Variants in AK7 observed in about 807,000 individuals in gnomAD.
AK7 encodes the protein ATP-AMP transphosphorylase 7.
Under a neutral mutation model 96.6 loss-of-function variants are expected in AK7, and 78 were observed. That is an observed-to-expected ratio of 0.81 (90% CI 0.67 to 0.97). AK7 has a LOEUF of 0.97. Ranked by LOEUF, AK7 falls within the 50% of genes least tolerant of loss-of-function variation. The probability of loss-of-function intolerance (pLI) is 0.00; values close to 1 mark genes in which losing one functional copy is unlikely to be tolerated. For synonymous variants in AK7, 302 were observed against 317.2 expected (o/e 0.95, Z 0.51); for missense variants, 855 against 887.9 (o/e 0.96, Z 0.47).
chr14:96,488,907 C>T lies in AK7; in HGVS notation c.*564C>T, dbSNP rs965567416. 1.3e-5 allele frequency: 2 copies of T among 148,166 alleles called. No individual in the cohort carries two copies. Among genetic ancestry groups the T allele is most frequent in the Non-Finnish European group, 3.0e-5 (2 of 67,540 alleles). The allele number at this position is 148,166 out of a possible 1,614,324, so 9.2% of individuals were successfully genotyped here. A position where few individuals can be genotyped will look rare whatever the true frequency, so the allele number is the denominator to read the frequency against. On this transcript the variant is annotated 3_prime_UTR_variant, in exon 18 of 18. Coordinates refer to ENST00000267584, the MANE Select transcript of AK7 (RefSeq NM_152327.5). ...AGGGTCAGGATCCCAGACAATGAAT[C>T]GGAGAGAACTGTAAACCTTTAGGCG...
chr14:96,419,789 C>CTTTTTTTT (rs5810772), intron 4 of AK7, among the ~76,000 whole-genome samples: 1 of 134,106 alleles, frequency 7.5e-6, no homozygotes, highest in Admixed American at 7.8e-5. Context: ...TCTTTCTTTT[C>CTTTTTTTT]TTTTTTTTTT....
intron 14 of AK7, 97 bp downstream of exon 14, chr14:96,472,852 C>T (rs970038133): frequency 1.1e-5 from 10 of 946,202 alleles, no homozygotes; most frequent in Admixed American, 2.1e-5. Context: ...GAGGCCAAGG[C>T]GGGTGGATCA....
intron 5 of AK7, among the ~76,000 whole-genome samples, chr14:96,429,596 A>T (rs549105719): frequency 1.2e-3 from 180 of 152,308 alleles, no homozygotes; most frequent in Non-Finnish European, 2.0e-3. Flanking sequence ...GTCCATGAGC[A>T]TGGAATGTTC....
chr14:96,417,824 G>T (rs1035033097), intron 4 of AK7, among the ~76,000 whole-genome samples: 8 of 152,000 alleles, frequency 5.3e-5, no homozygotes, highest in African/African-American at 1.9e-4. Flanking sequence ...GAATATCACA[G>T]GTACCTCCAG....
At chr14:96,481,931 C>T (rs1895527315) in intron 15 of AK7, among the ~76,000 whole-genome samples, 1 of 151,924 alleles carries the variant, frequency 6.6e-6, no homozygotes, top group Admixed American at 6.6e-5. Flanking sequence ...TCTTGAACTC[C>T]TGACCTCAAC....
At chr14:96,441,011 A>G (rs1892927363) in intron 6 of AK7, among the ~76,000 whole-genome samples, 4 of 152,074 alleles carry the variant, frequency 2.6e-5, no homozygotes, top group South Asian at 4.1e-4. Flanking sequence ...AAAAATAAAT[A>G]AAAGGTGTGG....
chr14:96,455,939 T>C (rs1893873716), intron 10 of AK7, among the ~76,000 whole-genome samples: 1 of 151,972 alleles, frequency 6.6e-6, no homozygotes, highest in Non-Finnish European at 1.5e-5. Context: ...AGAGACTTTA[T>C]TTTCAAAAGG....
rs1381995916 is a variant in AK7, at chr14:96,399,584, T to C, written c.294+1321T>C. The stretch of plus-strand genomic sequence containing the variant: ...CCCCGCCATTCACTGGTCTATCCAA[T>C]GCTGGCTGGCCCTGCCCACAACACT... On this transcript the variant is annotated intron_variant, in intron 2 of 17. Transcript: ENST00000267584. This position sits in a 1 kb window ranked among gnomAD's most constrained non-coding sequence, Gnocchi z 4.1. Among the ~76,000 whole-genome samples the C allele has an allele frequency of 6.6e-6, 1 of 152,192 alleles. No individual in the cohort carries two copies. Among genetic ancestry groups the C allele is most frequent in the South Asian group, 2.1e-4 (1 of 4,834 alleles).
In AK7 at chr14:96,488,325, C is replaced by G; in HGVS notation, c.2154C>G (p.Asn718Lys). 10 of 1,612,156 alleles carry G rather than the reference C, an allele frequency of 6.2e-6. No homozygotes were observed. Among genetic ancestry groups the G allele is most frequent in the Non-Finnish European group, 7.6e-6 (9 of 1,178,524 alleles). Residue 718 changes from asparagine (N) to lysine (K), a missense_variant, in exon 18 of 18, where the codon AAC (asparagine) becomes AAG (lysine). Physicochemically the swap from Asn to Lys is moderately conservative, Grantham distance 94 (BLOSUM62 0). Transcript: ENST00000267584. ...TGTAGGCAGAATATCTCTTCAAGAA[C>G]AATCCTGAAGCACAGTGAAACTTGA... ...VDFLAEYLFKNNPEAQ is the reference protein window; with the variant it reads ...VDFLAEYLFKKNPEAQ
chr14:96,400,125 G>A (rs1403587864), intron 2 of AK7, among the ~76,000 whole-genome samples: 3 of 132,358 alleles, frequency 2.3e-5, no homozygotes, highest in Non-Finnish European at 4.6e-5. Context: ...TGCAACCTTC[G>A]CCTCCTGGGT....
At chr14:96,398,578 T>C in intron 2 of AK7, 1 of 336,472 alleles carries the variant, frequency 3.0e-6, no homozygotes, top group Non-Finnish European at 5.6e-6. Context: ...CCATGATGGG[T>C]GCCATCTGTG....
intron 13 of AK7, among the ~76,000 whole-genome samples, chr14:96,472,374 T>C (rs1894945414): frequency 6.6e-6 from 1 of 152,212 alleles, no homozygotes; most frequent in Admixed American, 6.5e-5. Context: ...GGTTGATCTC[T>C]GAACTCCTGG....
intron 7 of AK7, among the ~76,000 whole-genome samples, chr14:96,443,443 T>C (rs1893063358): frequency 6.6e-6 from 1 of 152,102 alleles, no homozygotes. Context: ...AAAGGAGCAA[T>C]TTCTGCACTT....
chr14:96,469,718 T>C (rs978039689), intron 12 of AK7, among the ~76,000 whole-genome samples: 1 of 152,208 alleles, frequency 6.6e-6, no homozygotes, highest in African/African-American at 2.4e-5. Flanking sequence ...GCCATAATAT[T>C]TAAATTTCTG....
intron 12 of AK7, among the ~76,000 whole-genome samples, chr14:96,460,844 A>G (rs779895652): frequency 6.6e-6 from 1 of 152,076 alleles, no homozygotes; most frequent in Non-Finnish European, 1.5e-5. Flanking sequence ...GCCTGCTTCC[A>G]TGGAGGTCTC....
At chr14:96,456,725 G>A (rs538842924) in intron 11 of AK7, 17 of 334,548 alleles carry the variant, frequency 5.1e-5, no homozygotes, top group Non-Finnish European at 9.0e-5. Context: ...TGTTGGATGT[G>A]GCGCTTGCTG....
intron 12 of AK7, among the ~76,000 whole-genome samples, chr14:96,466,570 C>T (rs1894581040): frequency 1.3e-5 from 2 of 151,340 alleles, no homozygotes; most frequent in African/African-American, 4.9e-5. Context: ...ATGAGATCTC[C>T]CTATGTTGCC....
rs750193576 is a variant in AK7, at chr14:96,467,502, A to AT, written c.1358-3969dup. Among the ~76,000 whole-genome samples, 11 of 151,976 alleles carry AT rather than the reference A, an allele frequency of 7.2e-5. No individual in the cohort carries two copies. The East Asian group carries it at 1.9e-3, about 27-fold the overall frequency. On this transcript the variant is annotated intron_variant, in intron 12 of 17. Coordinates refer to ENST00000267584, the MANE Select transcript of AK7 (RefSeq NM_152327.5). ...AGGCGCACGCCACCACACCCGGCTA[A>AT]TTTTTTTGTATTTTTAGTAGATACA... is the stretch of plus-strand genomic sequence containing the variant.
chr14:96,459,456 T>C (rs1322654256), intron 12 of AK7, among the ~76,000 whole-genome samples: 1 of 151,948 alleles, frequency 6.6e-6, no homozygotes, highest in African/African-American at 2.4e-5. Flanking sequence ...GTTGTCCTTT[T>C]AATTGGACAA....
Sources: allele counts gnomAD v4.1 joint callset (sites outside exome capture counted in the v4.1 genomes callset), GRCh38; gene constraint gnomAD v4.1.1; non-coding constraint Gnocchi (gnomAD v3.1); transcripts MANE v1.5; gene names NCBI Gene and HGNC (gene_info 2026-07-23, HGNC 2026-07-21).